AFF3: variants seen among roughly 807,000 people sequenced by gnomAD.
The protein encoded by AFF3 is ALF transcription elongation factor 3.
In AFF3, 32 loss-of-function variants were observed where a neutral mutation model predicts 129.7. That is an observed-to-expected ratio of 0.25 (90% CI 0.19 to 0.33). The LOEUF (loss-of-function observed/expected upper bound fraction) is 0.33, where lower values mean the gene tolerates loss of function less well. Ranked by LOEUF, AFF3 falls within the 10% of genes least tolerant of loss-of-function variation. The pLI is 1.00. For missense variants in AFF3, 1,373 were observed against 1,592.0 expected, an observed-to-expected ratio of 0.86 and a Z score of 2.34; for synonymous variants, 644 against 635.4, an observed-to-expected ratio of 1.01 and a Z score of -0.20.
At chr2:100,001,041 C>A (rs1435328562) in intron 7 of AFF3, among the ~76,000 whole-genome samples, 1 of 152,226 alleles carries the variant, frequency 6.6e-6, no homozygotes, top group Non-Finnish European at 1.5e-5. Context: ...TCTTGAGCAG[C>A]CCCAGGTGCG....
intron 7 of AFF3, among the ~76,000 whole-genome samples, chr2:99,909,698 C>T (rs1456973547): frequency 6.6e-6 from 1 of 151,786 alleles, no homozygotes; most frequent in Non-Finnish European, 1.5e-5. Flanking sequence ...ATGTCAGCTG[C>T]ACAGTGAAAA....
intron 13 of AFF3, among the ~76,000 whole-genome samples, chr2:99,621,784 G>C (rs1213347589): frequency 6.6e-6 from 1 of 152,140 alleles, no homozygotes; most frequent in Non-Finnish European, 1.5e-5. Flanking sequence ...GAGGAAGTGG[G>C]GCCTGAAACA....
chr2:99,806,336 C>G (rs1273355942), intron 8 of AFF3, among the ~76,000 whole-genome samples: 1 of 152,168 alleles, frequency 6.6e-6, no homozygotes, highest in East Asian at 1.9e-4. Flanking sequence ...ATATGCAACA[C>G]AGAGCGGAAA....
chr2:99,935,928 T>G (rs1378371913), intron 7 of AFF3, among the ~76,000 whole-genome samples: 1 of 152,050 alleles, frequency 6.6e-6, no homozygotes, highest in Non-Finnish European at 1.5e-5. Flanking sequence ...CAACTTCAAA[T>G]AAAAGGTCTT....
chr2:99,706,496 A>G (rs1189532480), intron 11 of AFF3, among the ~76,000 whole-genome samples: 1 of 152,192 alleles, frequency 6.6e-6, no homozygotes, highest in Non-Finnish European at 1.5e-5. Context: ...GGCCCTCTGG[A>G]AAGAGCCTGG....
intron 7 of AFF3, among the ~76,000 whole-genome samples, chr2:99,976,295 G>C (rs576017771): frequency 6.6e-6 from 1 of 152,140 alleles, no homozygotes; most frequent in South Asian, 2.1e-4. Flanking sequence ...CATCAATTAA[G>C]AGTTTTATGT....
intron 1 of AFF3, among the ~76,000 whole-genome samples, chr2:100,136,202 T>C (rs1692636014): frequency 6.6e-6 from 1 of 152,018 alleles, no homozygotes; most frequent in Non-Finnish European, 1.5e-5. Context: ...GGCTGGGAGA[T>C]GTAAGTTTGG....
In AFF3 at chr2:99,606,730, T is replaced by C. The variant is rs374143356; in HGVS notation, c.1185-5109A>G. On this transcript the variant is annotated intron_variant, in intron 13 of 24. Transcript: ENST00000672756. ...CAGATCAAGACCATCCTGGCTAACA[T>C]GGTGAAACCCCGTCTCTACTAAAAA... Among the ~76,000 whole-genome samples, 281 of 151,808 alleles carry C rather than the reference T, an allele frequency of 1.9e-3. 2 individuals carry two copies. The highest frequency in any genetic ancestry group is 5.5e-3 in the African/African-American group (226 of 41,406).
intron 4 of AFF3, among the ~76,000 whole-genome samples, chr2:100,050,345 G>T (rs1167063808): frequency 6.6e-6 from 1 of 152,004 alleles, no homozygotes; most frequent in Non-Finnish European, 1.5e-5. Context: ...TTGGGATAGG[G>T]TCTTGCTCTG....
At chr2:99,757,979 G>GAACC (rs1682262044) in intron 8 of AFF3, among the ~76,000 whole-genome samples, 1 of 152,136 alleles carries the variant, frequency 6.6e-6, no homozygotes, top group Non-Finnish European at 1.5e-5. Flanking sequence ...AACCTGTGAT[G>GAACC]AACCCCTCAA....
intron 7 of AFF3, among the ~76,000 whole-genome samples, chr2:99,986,369 C>T (rs1679878411): frequency 6.6e-6 from 1 of 151,946 alleles, no homozygotes; most frequent in Non-Finnish European, 1.5e-5. Flanking sequence ...ACCTTTATGA[C>T]ACTGTAATAG....
At chr2:100,077,498 T>C (rs1434454977) in intron 4 of AFF3, among the ~76,000 whole-genome samples, 2 of 152,166 alleles carry the variant, frequency 1.3e-5, no homozygotes, top group Admixed American at 6.5e-5. Flanking sequence ...TGCCAACACC[T>C]TGATGTTAGC....
intron 7 of AFF3, among the ~76,000 whole-genome samples, chr2:99,879,953 TA>T (rs1692583701): frequency 6.6e-6 from 1 of 152,178 alleles, no homozygotes. Context: ...TAATATTATC[TA>T]AAATAACAAT....
At chr2:99,604,468 A>G (rs1332286530) in intron 13 of AFF3, among the ~76,000 whole-genome samples, 2 of 152,124 alleles carry the variant, frequency 1.3e-5, no homozygotes, top group African/African-American at 4.8e-5. Flanking sequence ...ACTGGGGCCT[A>G]TTGGAGGGTG....
intron 4 of AFF3, among the ~76,000 whole-genome samples, chr2:100,098,789 C>T (rs1168251821): frequency 9.6e-6 from 1 of 103,874 alleles, no homozygotes; most frequent in African/African-American, 4.3e-5. Flanking sequence ...CCCAAGTTCT[C>T]GGCGCCCTGA....
At chr2:100,052,940 C>A (rs1686467554) in intron 4 of AFF3, among the ~76,000 whole-genome samples, 1 of 152,126 alleles carries the variant, frequency 6.6e-6, no homozygotes, top group South Asian at 2.1e-4. Flanking sequence ...GAAAGTGAAG[C>A]AACTAATTCC....
intron 8 of AFF3, among the ~76,000 whole-genome samples, chr2:99,766,172 C>T (rs543188066): frequency 7.2e-5 from 11 of 152,322 alleles, no homozygotes; most frequent in South Asian, 4.1e-4. Flanking sequence ...CAAGAATAAA[C>T]CCTGGAAACT....
intron 8 of AFF3, among the ~76,000 whole-genome samples, chr2:99,780,766 T>C (rs1318974991): frequency 6.6e-6 from 1 of 152,182 alleles, no homozygotes; most frequent in Non-Finnish European, 1.5e-5. Flanking sequence ...GAGCATGCCA[T>C]ATATTACTGA....
intron 8 of AFF3, among the ~76,000 whole-genome samples, chr2:99,808,310 G>T (rs1039206524): frequency 2.6e-5 from 4 of 152,072 alleles, no homozygotes; most frequent in African/African-American, 9.7e-5. Context: ...TTTAGGAAAA[G>T]GTATACAAAG....
Sources: allele counts gnomAD v4.1 joint callset (sites outside exome capture counted in the v4.1 genomes callset), GRCh38; gene constraint gnomAD v4.1.1; transcripts MANE v1.5; gene names NCBI Gene and HGNC (gene_info 2026-07-23, HGNC 2026-07-21).